Variants in EPRS1 observed in about 807,000 individuals in gnomAD.
EPRS1 encodes the protein glutamyl-prolyl-tRNA synthetase 1.
Under a neutral mutation model 188.3 loss-of-function variants are expected in EPRS1, and 107 were observed. The observed-to-expected ratio is 0.57, with a 90% CI of 0.49 to 0.67. The LOEUF (loss-of-function observed/expected upper bound fraction) is 0.67, where lower values mean the gene tolerates loss of function less well. Among genes scored for constraint, EPRS1 ranks in the 30% least tolerant of loss-of-function variants. EPRS1 has a pLI of 0.00. For missense variants in EPRS1, 1,577 were observed against 1,802.2 expected (o/e 0.88, Z 2.26); for synonymous variants, 596 against 593.1 (o/e 1.00, Z -0.07).
Position 220,046,217 on chromosome 1 carries a change from G to T in EPRS1, c.46+126C>A, listed in dbSNP as rs1027228319. On this transcript the variant is annotated intron_variant, in intron 1 of 31. Transcript: ENST00000366923. ...CCTCCTCCACGTACAATTCTGGGGC[G>T]AGGGGCAGGTCCAACATCCCAGATG... The T allele has an allele frequency of 5.3e-6, 6 of 1,137,802 alleles. No individual in the cohort carries two copies. In the South Asian group the frequency reaches 7.0e-5, roughly 13 times the overall value. The allele number at this position is 1,137,802 out of a possible 1,614,324, so 70.5% of individuals were successfully genotyped here.
At chr1:219,999,368 C>T (rs1661300610) in intron 17 of EPRS1, among the ~76,000 whole-genome samples, 1 of 152,000 alleles carries the variant, frequency 6.6e-6, no homozygotes, top group Non-Finnish European at 1.5e-5. Flanking sequence ...TTTTGACTTT[C>T]CTCCCACCAA....
intron 28 of EPRS1, among the ~76,000 whole-genome samples, chr1:219,977,205 ACCTTC>A (rs1247614904): frequency 6.6e-6 from 1 of 152,174 alleles, no homozygotes; most frequent in East Asian, 1.9e-4. Flanking sequence ...TATAACTAAT[ACCTTC>A]ACTAGATAGT....
intron 17 of EPRS1, among the ~76,000 whole-genome samples, chr1:219,999,862 G>C (rs1661311022): frequency 6.6e-6 from 1 of 152,188 alleles, no homozygotes; most frequent in South Asian, 2.1e-4. Flanking sequence ...TTTAGTCCCA[G>C]CTACTTGGGA....
chr1:220,004,553 C>T (rs2102579109), intron 16 of EPRS1, among the ~76,000 whole-genome samples: 1 of 152,110 alleles, frequency 6.6e-6, no homozygotes, highest in East Asian at 1.9e-4. Context: ...ACACAAACGA[C>T]AGAGTTTGCT....
At chr1:220,045,460 C>A (rs924078474) in intron 1 of EPRS1, among the ~76,000 whole-genome samples, 5 of 151,938 alleles carry the variant, frequency 3.3e-5, no homozygotes, top group Non-Finnish European at 7.4e-5. Flanking sequence ...GCCTTGAAAG[C>A]GCCACTGCAC....
At chr1:220,027,857 A>T (rs116124462) in intron 6 of EPRS1, among the ~76,000 whole-genome samples, 7,764 of 151,740 alleles carry the variant, frequency 0.051, 273 homozygotes, top group Non-Finnish European at 0.076. Context: ...TTAATTAAAA[A>T]TTTTTTAAAA....
At chr1:219,978,879 TA>T (rs1660831421) in intron 27 of EPRS1, among the ~76,000 whole-genome samples, 160 bp from the exon 28 acceptor site, 1 of 152,160 alleles carries the variant, frequency 6.6e-6, no homozygotes, top group Non-Finnish European at 1.5e-5. Context: ...GCAAATCACT[TA>T]CCCGTGCTAA....
At chr1:219,970,650 C>T (rs140922736) in intron 30 of EPRS1, among the ~76,000 whole-genome samples, 1,820 of 151,966 alleles carry the variant, frequency 0.012, 31 homozygotes, top group African/African-American at 0.035. Flanking sequence ...TCATGGCAGG[C>T]GCCTGTAATC....
chr1:220,045,177 G>A (rs180906152), intron 1 of EPRS1, among the ~76,000 whole-genome samples: 1 of 152,158 alleles, frequency 6.6e-6, no homozygotes, highest in African/African-American at 2.4e-5. Flanking sequence ...AAAGTACTGT[G>A]TGTGTATTAT....
At chr1:219,975,805 G>A (rs1354249142) in intron 28 of EPRS1, among the ~76,000 whole-genome samples, 1 of 151,836 alleles carries the variant, frequency 6.6e-6, no homozygotes, top group Non-Finnish European at 1.5e-5. Flanking sequence ...TACATAAATA[G>A]ATATGGAAAT....
intron 12 of EPRS1, among the ~76,000 whole-genome samples, chr1:220,015,093 CA>C (rs1402204354): frequency 6.6e-6 from 1 of 152,108 alleles, no homozygotes; most frequent in Non-Finnish European, 1.5e-5. Flanking sequence ...GAACACGAAA[CA>C]AGAGTACCAG....
intron 1 of EPRS1, among the ~76,000 whole-genome samples, chr1:220,041,271 G>A (rs535865186): frequency 6.6e-6 from 1 of 151,762 alleles, no homozygotes; most frequent in Non-Finnish European, 1.5e-5. Context: ...AGTCATGGCC[G>A]CAGTGAGCCC....
chr1:220,005,829 G>GTTTTTTTTTTTTT, intron 15 of EPRS1, among the ~76,000 whole-genome samples: 125 of 45,710 alleles, frequency 2.7e-3, no homozygotes, highest in African/African-American at 0.01. Context: ...TTTTTTTTTT[G>GTTTTTTTTTTTTT]TTTTTTTTTT....
At chr1:220,001,061 T>C in intron 17 of EPRS1, 77 bp downstream of exon 17, 1 of 831,874 alleles carries the variant, frequency 1.2e-6, no homozygotes, top group Non-Finnish European at 2.1e-6. Context: ...AAGATAATCA[T>C]CTGTAAAGAA....
At chr1:219,987,047 G>A (rs1661019793) in intron 20 of EPRS1, 95 bp downstream of exon 20, 1 of 1,303,230 alleles carries the variant, frequency 7.7e-7, no homozygotes. Context: ...CTAACTTAAT[G>A]TGATGGTTAA....
chr1:219,979,355 T>C (rs1290983393), intron 27 of EPRS1, 63 bp downstream of exon 27: 3 of 1,287,336 alleles, frequency 2.3e-6, no homozygotes, highest in Non-Finnish European at 3.3e-6. Context: ...CCTTTCAAAT[T>C]TCCTTTAGTA....
At chr1:220,034,744 T>A (rs1004065710) in intron 3 of EPRS1, among the ~76,000 whole-genome samples, 170 bp downstream of exon 3, 1 of 152,184 alleles carries the variant, frequency 6.6e-6, no homozygotes, top group African/African-American at 2.4e-5. Context: ...AAAAAGAATT[T>A]TTTTGTGACA....
At chr1:220,028,743 T>G (rs996123707) in intron 6 of EPRS1, among the ~76,000 whole-genome samples, 1 of 152,174 alleles carries the variant, frequency 6.6e-6, no homozygotes, top group Non-Finnish European at 1.5e-5. Flanking sequence ...CTGTACATAA[T>G]AGGTGCTATG....
chr1:220,002,579 G>A (rs1483218720), intron 16 of EPRS1, among the ~76,000 whole-genome samples: 1 of 152,042 alleles, frequency 6.6e-6, no homozygotes, highest in East Asian at 1.9e-4. Context: ...AATATTTAAG[G>A]GTGGGTATGG....
Sources: gnomAD v4.1 joint callset for allele counts (sites outside exome capture counted in the v4.1 genomes callset) on GRCh38, gnomAD v4.1.1 for gene constraint, MANE v1.5 for transcripts, NCBI Gene and HGNC (gene_info 2026-07-23, HGNC 2026-07-21) for gene names.